Variants in MROH9 observed in about 807,000 individuals in gnomAD.
MROH9 encodes maestro heat like repeat family member 9, also known as maestro heat-like repeat-containing protein family member 9.
A neutral mutation model predicts 98.2 loss-of-function variants in MROH9; 92 were observed. That is an observed-to-expected ratio of 0.94 (90% CI 0.79 to 1.11). The LOEUF (loss-of-function observed/expected upper bound fraction) is 1.11, where lower values mean the gene tolerates loss of function less well. Ranked by LOEUF, MROH9 falls within the 50% of genes most tolerant of loss-of-function variation. The probability of loss-of-function intolerance (pLI) is 0.00; values close to 1 mark genes in which losing one functional copy is unlikely to be tolerated. For synonymous variants in MROH9, 397 were observed against 368.9 expected (o/e 1.08, Z -0.87); for missense variants, 1,057 against 1,014.8 (o/e 1.04, Z -0.57).
intron 20 of MROH9, among the ~76,000 whole-genome samples, chr1:171,031,599 T>C (rs1462318360): frequency 6.6e-6 from 1 of 152,228 alleles, no homozygotes; most frequent in Non-Finnish European, 1.5e-5. Flanking sequence ...AATGTTGAAT[T>C]TGTCCCCCAA....
chr1:171,062,082 T>C (rs1465138402), intron 20 of MROH9, 50 bp from the exon 21 acceptor site: 7 of 1,182,556 alleles, frequency 5.9e-6, no homozygotes, highest in Non-Finnish European at 8.6e-6. Context: ...TCAGAAAATG[T>C]ATTTTCATAA....
At chr1:170,936,376 C>G (rs1180219281) in intron 1 of MROH9, among the ~76,000 whole-genome samples, 6 of 152,154 alleles carry the variant, frequency 3.9e-5, no homozygotes, top group African/African-American at 7.2e-5. Flanking sequence ...TGTCCCAAGT[C>G]AAGTAGTCAG....
intron 8 of MROH9, among the ~76,000 whole-genome samples, chr1:170,982,609 G>A (rs963328864): frequency 1.3e-5 from 2 of 152,144 alleles, no homozygotes; most frequent in Non-Finnish European, 2.9e-5. Flanking sequence ...TGTTATATGG[G>A]CTGGGCATGG....
intron 20 of MROH9, among the ~76,000 whole-genome samples, chr1:171,055,096 A>C (rs1179456374): frequency 6.6e-6 from 1 of 152,216 alleles, no homozygotes; most frequent in African/African-American, 2.4e-5. Flanking sequence ...AATTGCAAAA[A>C]TATAAAACTG....
At chr1:170,988,216 G>C (rs1651223585) in intron 10 of MROH9, among the ~76,000 whole-genome samples, 1 of 152,200 alleles carries the variant, frequency 6.6e-6, no homozygotes, top group African/African-American at 2.4e-5. Context: ...TCCTGATGGT[G>C]ACATGAGGAA....
rs1300766271 is a variant in MROH9 at position 170,992,177 on chromosome 1, A to T, written c.1042A>T (p.Met348Leu). The T allele has an allele frequency of 1.9e-6, 3 of 1,611,146 alleles. No individual in the cohort carries two copies. Among genetic ancestry groups the T allele is most frequent in the South Asian group, 2.2e-5 (2 of 90,710 alleles). Reference sequence around the variant, plus strand: ...CTGTGTTTGCAGCACTCTGATACAGATGTGGAAGGCGGCATGTTCTCAGGC... The same window carrying T: ...CTGTGTTTGCAGCACTCTGATACAGTTGTGGAAGGCGGCATGTTCTCAGGC... ...PVPADDTLIQMWKAACSQASV... is the reference protein window; with the variant it reads ...PVPADDTLIQLWKAACSQASV... The change falls in exon 12 of 22, where the codon ATG (methionine) becomes TTG (leucine). Residue 348 changes from methionine (M) to leucine (L), a missense_variant. Transcript: ENST00000367759.
At chr1:170,937,859 C>T (rs1323909995) in intron 1 of MROH9, among the ~76,000 whole-genome samples, 1 of 152,158 alleles carries the variant, frequency 6.6e-6, no homozygotes, top group African/African-American at 2.4e-5. Flanking sequence ...TTCTACTACA[C>T]ATTCTGTAGT....
At chr1:171,005,484 G>A (rs564035841) in intron 15 of MROH9, among the ~76,000 whole-genome samples, 3 of 152,070 alleles carry the variant, frequency 2.0e-5, no homozygotes, top group Non-Finnish European at 4.4e-5. Context: ...CAGTGTACAG[G>A]TCTGTAACGT....
At chr1:171,055,018 A>C (rs1397897429) in intron 20 of MROH9, among the ~76,000 whole-genome samples, 1 of 151,458 alleles carries the variant, frequency 6.6e-6, no homozygotes, top group African/African-American at 2.4e-5. Flanking sequence ...TACCCAGAGG[A>C]AAAGAAGTCA....
chr1:170,957,769 T>C (rs1649821234), intron 3 of MROH9, among the ~76,000 whole-genome samples: 1 of 151,938 alleles, frequency 6.6e-6, no homozygotes, highest in Non-Finnish European at 1.5e-5. Flanking sequence ...AAGGCCTGAC[T>C]TAAGTTGCCC....
chr1:171,022,905 C>G (rs1557902037), intron 17 of MROH9, among the ~76,000 whole-genome samples: 2 of 151,990 alleles, frequency 1.3e-5, no homozygotes, highest in Admixed American at 1.3e-4. Flanking sequence ...GAAACTAAGG[C>G]AAAGAGAAGG....
intron 20 of MROH9, among the ~76,000 whole-genome samples, chr1:171,060,733 G>T (rs1172231118): frequency 6.6e-6 from 1 of 152,152 alleles, no homozygotes; most frequent in Non-Finnish European, 1.5e-5. Context: ...TATAACTCCA[G>T]ATGGATGGTA....
intron 17 of MROH9, among the ~76,000 whole-genome samples, chr1:171,021,910 A>AAAC (rs56390386): frequency 0.092 from 14,035 of 151,794 alleles, 774 homozygotes; most frequent in Middle Eastern, 0.17. Flanking sequence ...AAGAAAAAAA[A>AAAC]AAAATGACCC....
chr1:171,060,777 C>T (rs904662879), intron 20 of MROH9, among the ~76,000 whole-genome samples: 16 of 152,042 alleles, frequency 1.1e-4, no homozygotes. Context: ...AGTAAAGCTT[C>T]CAGAAGTAAA....
Position 170,986,803 on chromosome 1 carries a change from T to C in MROH9, c.879+93T>C, listed in dbSNP as rs1651154974. The C allele has an allele frequency of 7.5e-6, 10 of 1,328,932 alleles. 1 individual carries two copies. Among genetic ancestry groups the C allele is most frequent in the Middle Eastern group, 1.9e-4 (1 of 5,322 alleles). The allele number at this position is 1,328,932 out of a possible 1,614,324, so 82.3% of individuals were successfully genotyped here. ...GTATGTCCACTTCTTTTTATATGTA[T>C]TTCTTGTCATTGTTCATTATATGAC... On this transcript the variant is annotated intron_variant, in intron 10 of 21. Transcript: ENST00000367759.
At chr1:170,962,262 A>G (rs1252397069) in intron 6 of MROH9, among the ~76,000 whole-genome samples, 1 of 152,180 alleles carries the variant, frequency 6.6e-6, no homozygotes, top group African/African-American at 2.4e-5. Flanking sequence ...AGAGAATAGT[A>G]TTAGAGAGCA....
chr1:171,038,480 C>T (rs1265271340), intron 20 of MROH9, among the ~76,000 whole-genome samples: 1 of 152,138 alleles, frequency 6.6e-6, no homozygotes, highest in Non-Finnish European at 1.5e-5. Flanking sequence ...ATTCTTTTGA[C>T]TCAGTAATCT....
At chr1:170,990,217 T>A (rs1045737820) in intron 11 of MROH9, among the ~76,000 whole-genome samples, 6 of 152,310 alleles carry the variant, frequency 3.9e-5, no homozygotes, top group African/African-American at 1.4e-4. Context: ...TAAAACACAA[T>A]AGGCCCACAA....
At chr1:171,063,135 T>C (rs1390236063) in intron 21 of MROH9, among the ~76,000 whole-genome samples, 2 of 152,114 alleles carry the variant, frequency 1.3e-5, no homozygotes, top group African/African-American at 2.4e-5. Flanking sequence ...CTCATCTCTG[T>C]TTTCTAAATC....
Sources: allele counts gnomAD v4.1 joint callset (sites outside exome capture counted in the v4.1 genomes callset), GRCh38; gene constraint gnomAD v4.1.1; transcripts MANE v1.5; gene names NCBI Gene and HGNC (gene_info 2026-07-23, HGNC 2026-07-21).